Variants in SH3RF3 observed in about 807,000 individuals in gnomAD.
SH3RF3 encodes E3 ubiquitin-protein ligase SH3RF3.
SH3RF3 carries 29 observed loss-of-function variants against 66.3 expected under a neutral mutation model. That is an observed-to-expected ratio of 0.44 (90% CI 0.33 to 0.60). The LOEUF (loss-of-function observed/expected upper bound fraction) is 0.60, where lower values mean the gene tolerates loss of function less well. Among genes scored for constraint, SH3RF3 ranks in the 20% least tolerant of loss-of-function variants. The pLI, the probability that SH3RF3 is intolerant of heterozygous loss-of-function variation, is 0.04. For synonymous variants in SH3RF3, 583 were observed against 532.0 expected (o/e 1.10, Z -1.32); for missense variants, 1,194 against 1,190.9 (o/e 1.00, Z -0.04).
chr2:109,285,061 G>A (rs1213997507), intron 1 of SH3RF3, among the ~76,000 whole-genome samples: 1 of 152,242 alleles, frequency 6.6e-6, no homozygotes, highest in Non-Finnish European at 1.5e-5. Flanking sequence ...CGGCCACACA[G>A]CCCTGTCCTG....
chr2:109,340,918 T>C (rs1488882805), intron 1 of SH3RF3, among the ~76,000 whole-genome samples: 2 of 151,908 alleles, frequency 1.3e-5, no homozygotes, highest in Admixed American at 6.6e-5. Flanking sequence ...AAAAAAAAAA[T>C]TTGCTTTTAA....
chr2:109,345,058 T>C (rs1229403276), intron 1 of SH3RF3, among the ~76,000 whole-genome samples: 5 of 152,140 alleles, frequency 3.3e-5, no homozygotes, highest in Non-Finnish European at 7.4e-5. Flanking sequence ...GGAGAATTCA[T>C]GAAAGACAGA....
At chr2:109,363,309 CTG>C (rs1308784129) in intron 2 of SH3RF3, among the ~76,000 whole-genome samples, 1 of 152,082 alleles carries the variant, frequency 6.6e-6, no homozygotes, top group Non-Finnish European at 1.5e-5. Context: ...TTTCAAATAA[CTG>C]TGCTGCTTTG....
chr2:109,171,296 C>T (rs1677776756), intron 1 of SH3RF3, among the ~76,000 whole-genome samples: 1 of 152,084 alleles, frequency 6.6e-6, no homozygotes, highest in African/African-American at 2.4e-5. Flanking sequence ...CCTTTTATTT[C>T]CTTGTCATAT....
intron 1 of SH3RF3, among the ~76,000 whole-genome samples, chr2:109,203,243 G>A (rs557668390): frequency 4.8e-4 from 73 of 152,214 alleles, no homozygotes; most frequent in Non-Finnish European, 4.3e-4. Context: ...GAGCCCCAGG[G>A]CAGCATCAGG....
At chr2:109,494,312 A>T (rs955913980) in intron 9 of SH3RF3, among the ~76,000 whole-genome samples, 1 of 152,158 alleles carries the variant, frequency 6.6e-6, no homozygotes, top group Non-Finnish European at 1.5e-5. Flanking sequence ...CTTGCACCCA[A>T]GCACTCTGTA....
At chr2:109,336,709 A>G (rs1483130267) in intron 1 of SH3RF3, among the ~76,000 whole-genome samples, 1 of 152,236 alleles carries the variant, frequency 6.6e-6, no homozygotes, top group Non-Finnish European at 1.5e-5. Context: ...AAGTCTGTAA[A>G]AGCAACTGCA....
intron 1 of SH3RF3, among the ~76,000 whole-genome samples, chr2:109,309,747 C>T (rs1681683135): frequency 7.9e-6 from 1 of 126,314 alleles, no homozygotes; most frequent in African/African-American, 3.9e-5. Context: ...ACAAAGAAGG[C>T]CATTATATAA....
chr2:109,303,101 C>G (rs559645942), intron 1 of SH3RF3, among the ~76,000 whole-genome samples: 26 of 152,286 alleles, frequency 1.7e-4, no homozygotes, highest in African/African-American at 5.8e-4. Flanking sequence ...GTCTCCAACT[C>G]CTGACCTCAG....
intron 1 of SH3RF3, among the ~76,000 whole-genome samples, chr2:109,313,099 C>T (rs1173541272): frequency 5.3e-5 from 8 of 152,170 alleles, no homozygotes; most frequent in Non-Finnish European, 1.2e-4. Context: ...AGGTGGTGCT[C>T]CTGGCTCACA....
At chr2:109,172,111 A>G (rs1325710818) in intron 1 of SH3RF3, among the ~76,000 whole-genome samples, 1 of 152,226 alleles carries the variant, frequency 6.6e-6, no homozygotes, top group Non-Finnish European at 1.5e-5. Flanking sequence ...GTTCCAGGCA[A>G]TGACCTGGGG....
intron 1 of SH3RF3, among the ~76,000 whole-genome samples, chr2:109,299,176 T>G (rs1681397531): frequency 6.6e-6 from 1 of 152,204 alleles, no homozygotes; most frequent in East Asian, 1.9e-4. Flanking sequence ...TCACGGGGCC[T>G]CCTCTGACCA....
chr2:109,338,306 G>T (rs372830506), intron 1 of SH3RF3, among the ~76,000 whole-genome samples: 164 of 152,240 alleles, frequency 1.1e-3, no homozygotes, highest in African/African-American at 3.7e-3. Flanking sequence ...AGCAGGCAGG[G>T]TGTGGCAGAA....
At chr2:109,317,186 A>ATCCTCTGTTTTCC (rs1238409914) in intron 1 of SH3RF3, among the ~76,000 whole-genome samples, 1 of 151,846 alleles carries the variant, frequency 6.6e-6, no homozygotes, top group Non-Finnish European at 1.5e-5. Context: ...GTAAGTTTTC[A>ATCCTCTGTTTTCC]TGGTGTTGGG....
chr2:109,286,542 C>T (rs1254763054), intron 1 of SH3RF3, among the ~76,000 whole-genome samples: 1 of 152,196 alleles, frequency 6.6e-6, no homozygotes, highest in Non-Finnish European at 1.5e-5. Flanking sequence ...AACCCCAGAG[C>T]CAGGGGTTTG....
chr2:109,479,620 G>GGC (rs1678780537), intron 8 of SH3RF3, among the ~76,000 whole-genome samples: 2 of 152,192 alleles, frequency 1.3e-5, no homozygotes, highest in African/African-American at 4.8e-5. Context: ...GGCAGCCCAA[G>GGC]GCAAGGGGTC....
intron 1 of SH3RF3, among the ~76,000 whole-genome samples, chr2:109,289,174 T>C (rs1681106533): frequency 6.6e-6 from 1 of 152,186 alleles, no homozygotes; most frequent in Admixed American, 6.5e-5. Context: ...TGTCTCTCTC[T>C]CTCTGCAGAA....
intron 1 of SH3RF3, among the ~76,000 whole-genome samples, chr2:109,254,693 G>A (rs1574532055): frequency 6.6e-6 from 1 of 152,180 alleles, no homozygotes; most frequent in Non-Finnish European, 1.5e-5. Context: ...TAATGTTGGT[G>A]TGTGGTTGTC....
chr2:109,364,637 C>G (rs150698238), intron 2 of SH3RF3, among the ~76,000 whole-genome samples: 328 of 152,314 alleles, frequency 2.2e-3, no homozygotes, highest in African/African-American at 7.2e-3. Context: ...TTCTATAGTC[C>G]TGGGATCAGG....
Sources: allele counts gnomAD v4.1 joint callset (sites outside exome capture counted in the v4.1 genomes callset), GRCh38; gene constraint gnomAD v4.1.1; transcripts MANE v1.5; gene names NCBI Gene and HGNC (gene_info 2026-07-23, HGNC 2026-07-21).